MBNL1: variants seen among roughly 807,000 people sequenced by gnomAD.
The protein encoded by MBNL1 is muscleblind like splicing regulator 1.
A neutral mutation model predicts 42.2 loss-of-function variants in MBNL1; 8 were observed. That is an observed-to-expected ratio of 0.19 (90% CI 0.11 to 0.34). The LOEUF is 0.34. Ranked by LOEUF, MBNL1 falls within the 10% of genes least tolerant of loss-of-function variation. The pLI, the probability that MBNL1 is intolerant of heterozygous loss-of-function variation, is 1.00. For missense variants in MBNL1, 309 were observed against 495.3 expected (o/e 0.62, Z 3.57); for synonymous variants, 169 against 173.9 (o/e 0.97, Z 0.22).
At chr3:152,383,193 T>C (rs552170741) in intron 2 of MBNL1, among the ~76,000 whole-genome samples, 1 of 152,240 alleles carries the variant, frequency 6.6e-6, no homozygotes, top group South Asian at 2.1e-4. Flanking sequence ...TAGTGGAGCC[T>C]TATTTCCTGT....
intron 2 of MBNL1, among the ~76,000 whole-genome samples, chr3:152,324,080 T>A (rs1464299894): frequency 1.3e-5 from 2 of 152,216 alleles, no homozygotes; most frequent in African/African-American, 4.8e-5. Context: ...TGGAAATAAA[T>A]CCTCTTGTGT....
intron 2 of MBNL1, among the ~76,000 whole-genome samples, chr3:152,253,023 A>G (rs973037483): frequency 6.6e-6 from 1 of 152,142 alleles, no homozygotes; most frequent in Admixed American, 6.6e-5. Context: ...TATAAGTTAC[A>G]TCTCCTGTCT....
At chr3:152,377,435 A>T (rs987980863) in intron 2 of MBNL1, among the ~76,000 whole-genome samples, 2 of 152,234 alleles carry the variant, frequency 1.3e-5, no homozygotes, top group African/African-American at 2.4e-5. Context: ...CGTCAGCCAT[A>T]GACCGTTAGT....
chr3:152,312,877 G>A (rs1005268001), intron 2 of MBNL1, among the ~76,000 whole-genome samples: 3 of 152,094 alleles, frequency 2.0e-5, no homozygotes, highest in African/African-American at 7.2e-5. Context: ...AAATTATTTT[G>A]TAGCAAATAA....
rs60509782 is a variant in MBNL1 at position 152,407,209 on chromosome 3, C to CTTTTTTTTTTTTTT, written c.175-7719_175-7706dup. ...GGGATTATATCAGTGGAAATATGTT[C>CTTTTTTTTTTTTTT]TTTTTTTTTTTTTTTTTTTTTTTTT... On this transcript the variant is annotated intron_variant, in intron 2 of 9. Transcript: ENST00000324210. Among the ~76,000 whole-genome samples the CTTTTTTTTTTTTTT allele has an allele frequency of 7.2e-4, 39 of 54,354 alleles. 2 individuals are homozygous for CTTTTTTTTTTTTTT. Among genetic ancestry groups the CTTTTTTTTTTTTTT allele is most frequent in the East Asian group, 1.5e-3 (4 of 2,622 alleles). The allele number at this position is 54,354 out of a possible 152,430, so 35.7% of individuals were successfully genotyped here. A position where few individuals can be genotyped will look rare whatever the true frequency, so the allele number is the denominator to read the frequency against.
chr3:152,389,356 T>C (rs915568272), intron 2 of MBNL1, among the ~76,000 whole-genome samples: 2 of 152,200 alleles, frequency 1.3e-5, no homozygotes, highest in Non-Finnish European at 2.9e-5. Flanking sequence ...CCCAAAGTAC[T>C]AGGAGTAGCA....
intron 2 of MBNL1, among the ~76,000 whole-genome samples, chr3:152,305,394 G>GTTACCTTTCA (rs1007563168): frequency 6.6e-6 from 1 of 152,012 alleles, no homozygotes; most frequent in African/African-American, 2.4e-5. Context: ...TTGCTAATCC[G>GTTACCTTTCA]TTACCTTTCA....
intron 1 of MBNL1, among the ~76,000 whole-genome samples, chr3:152,290,411 A>C (rs2055227878): frequency 6.6e-6 from 1 of 152,110 alleles, no homozygotes; most frequent in African/African-American, 2.4e-5. Context: ...AGAAGATCTT[A>C]TAACTATTGG....
At chr3:152,246,897 TTGC>T (rs140741595) in intron 2 of MBNL1, among the ~76,000 whole-genome samples, 21 of 152,216 alleles carry the variant, frequency 1.4e-4, no homozygotes, top group Non-Finnish European at 2.8e-4. Flanking sequence ...CTTCCCAAAG[TTGC>T]TCATCTATAG....
intron 2 of MBNL1, among the ~76,000 whole-genome samples, chr3:152,310,286 T>A (rs1447523414): frequency 6.6e-6 from 1 of 152,192 alleles, no homozygotes; most frequent in Non-Finnish European, 1.5e-5. Context: ...AACAGCTAAT[T>A]TTATTCCCCT....
At chr3:152,358,493 T>G (rs59650092) in intron 2 of MBNL1, among the ~76,000 whole-genome samples, 7,057 of 152,204 alleles carry the variant, frequency 0.046, 572 homozygotes, top group East Asian at 0.31. Context: ...ATGTATTTCA[T>G]TTACTGTTAA....
At chr3:152,333,846 A>G (rs1348664174) in intron 2 of MBNL1, among the ~76,000 whole-genome samples, 2 of 152,196 alleles carry the variant, frequency 1.3e-5, no homozygotes, top group Non-Finnish European at 2.9e-5. Flanking sequence ...ATGAAAATCA[A>G]AATTAGTGGT....
At chr3:152,423,892 C>T (rs1032397219) in intron 3 of MBNL1, among the ~76,000 whole-genome samples, 2 of 151,992 alleles carry the variant, frequency 1.3e-5, no homozygotes, top group African/African-American at 2.4e-5. Context: ...TCCCTTCATG[C>T]TAAAAATAAT....
intron 2 of MBNL1, among the ~76,000 whole-genome samples, chr3:152,317,794 C>G (rs910596555): frequency 6.6e-6 from 1 of 152,036 alleles, no homozygotes; most frequent in East Asian, 1.9e-4. Flanking sequence ...AGATGTTCAA[C>G]GAGATGTTCA....
chr3:152,270,743 G>C (rs2041007129), intron 1 of MBNL1, among the ~76,000 whole-genome samples: 1 of 152,146 alleles, frequency 6.6e-6, no homozygotes, highest in Admixed American at 6.5e-5. Flanking sequence ...AACTTCTTTA[G>C]AAAACCTAAT....
At chr3:152,379,236 A>G (rs1579085207) in intron 2 of MBNL1, among the ~76,000 whole-genome samples, 1 of 152,238 alleles carries the variant, frequency 6.6e-6, no homozygotes, top group Admixed American at 6.5e-5. Context: ...ACACTGAAGC[A>G]GGAACTCCTA....
chr3:152,334,380 TA>T (rs1190595730), intron 2 of MBNL1, among the ~76,000 whole-genome samples: 2 of 152,168 alleles, frequency 1.3e-5, no homozygotes, highest in African/African-American at 4.8e-5. Flanking sequence ...ATCAGTTAGG[TA>T]AATGCATTAT....
At chr3:152,333,418 A>G (rs2086812002) in intron 2 of MBNL1, among the ~76,000 whole-genome samples, 1 of 152,344 alleles carries the variant, frequency 6.6e-6, no homozygotes, top group East Asian at 1.9e-4. Flanking sequence ...GGGATATCAG[A>G]TGCTCCTGCC....
At chr3:152,356,856 A>AGTGTGTGTGTAT (rs2095557236) in intron 2 of MBNL1, among the ~76,000 whole-genome samples, 1 of 149,382 alleles carries the variant, frequency 6.7e-6, no homozygotes, top group Admixed American at 6.7e-5. Flanking sequence ...ATATGTGTGT[A>AGTGTGTGTGTAT]GTGTGTGTGT....
Sources: gnomAD v4.1 joint callset for allele counts (sites outside exome capture counted in the v4.1 genomes callset) on GRCh38, gnomAD v4.1.1 for gene constraint, MANE v1.5 for transcripts, NCBI Gene and HGNC (gene_info 2026-07-23, HGNC 2026-07-21) for gene names.